SEPTIN9: variants seen among roughly 807,000 people sequenced by gnomAD.
The protein encoded by SEPTIN9 is septin-9.
A neutral mutation model predicts 56.6 loss-of-function variants in SEPTIN9; 13 were observed. The ratio of observed to expected loss-of-function variants is 0.23; its 90% CI spans 0.15 to 0.37. The LOEUF (loss-of-function observed/expected upper bound fraction) is 0.37, where lower values mean the gene tolerates loss of function less well. Among genes scored for constraint, SEPTIN9 ranks in the 10% least tolerant of loss-of-function variants. SEPTIN9 has a pLI of 1.00. For missense variants in SEPTIN9, 650 were observed against 823.1 expected (o/e 0.79, Z 2.57); for synonymous variants, 332 against 334.1 (o/e 0.99, Z 0.07).
rs1244848951 is a variant in SEPTIN9, at chr17:77,402,044, C to G, written c.77-15C>G. On this transcript the variant is annotated splice_polypyrimidine_tract_variant and intron_variant, in intron 2 of 11. Coordinates refer to ENST00000427177, the MANE Select transcript of SEPTIN9 (RefSeq NM_001113491.2). This position sits in a 1 kb window ranked among gnomAD's most constrained non-coding sequence, Gnocchi z 6.6. ...CATCCATTCACCAATTGCATCCCCTCTCTTTATTTTTCAGCCTTGAAAAGA... is the reference window on the plus strand; with the variant it reads ...CATCCATTCACCAATTGCATCCCCTGTCTTTATTTTTCAGCCTTGAAAAGA... 1 of 1,607,154 alleles carries G rather than the reference C, an allele frequency of 6.2e-7. No homozygotes were observed. Among genetic ancestry groups the G allele is most frequent in the East Asian group, 2.2e-5 (1 of 44,738 alleles).
rs1456107510 is a variant in SEPTIN9, at chr17:77,475,850, A to G, written c.722-6294A>G. The G allele has an allele frequency of 2.5e-6, 4 of 1,613,392 alleles. No homozygotes were observed. Among genetic ancestry groups the G allele is most frequent in the Admixed American group, 3.3e-5 (2 of 59,998 alleles). ...AGTGGCTTCACAGGCCTCCGTGGGC[A>G]GGAGGAGGATGACCTTGCATTCTGC... is the stretch of plus-strand genomic sequence containing the variant. On this transcript the variant is annotated intron_variant, in intron 3 of 11. Coordinates refer to ENST00000427177, the MANE Select transcript of SEPTIN9 (RefSeq NM_001113491.2). This position sits in a 1 kb window ranked among gnomAD's most constrained non-coding sequence, Gnocchi z 4.6.
At chr17:77,393,004 C>T (rs376946112) in intron 2 of SEPTIN9, among the ~76,000 whole-genome samples, 2 of 152,246 alleles carry the variant, frequency 1.3e-5, no homozygotes, top group East Asian at 1.9e-4. Context: ...GGAGCCTGCT[C>T]CACCTGCCCC....
intron 3 of SEPTIN9, among the ~76,000 whole-genome samples, chr17:77,424,372 G>T (rs982928191): frequency 6.6e-6 from 1 of 152,236 alleles, no homozygotes; most frequent in African/African-American, 2.4e-5. Flanking sequence ...GCCTCTGGTC[G>T]AGCCCCTTGG....
intron 3 of SEPTIN9, among the ~76,000 whole-genome samples, chr17:77,468,795 C>T (rs1415258523): frequency 6.7e-6 from 1 of 149,344 alleles, no homozygotes; most frequent in Admixed American, 6.6e-5. Flanking sequence ...AGGAGGGATT[C>T]GGACAGGGGC....
At chr17:77,387,800 A>C (rs970080876) in intron 2 of SEPTIN9, among the ~76,000 whole-genome samples, 41 of 152,104 alleles carry the variant, frequency 2.7e-4, no homozygotes, top group African/African-American at 9.4e-4. Context: ...TGGGAGCAGG[A>C]CACTTGTCAC....
At chr17:77,426,151 C>T (rs1320467672) in intron 3 of SEPTIN9, among the ~76,000 whole-genome samples, 1 of 152,068 alleles carries the variant, frequency 6.6e-6, no homozygotes, top group Non-Finnish European at 1.5e-5. Flanking sequence ...TTGCCTGGGC[C>T]TGAGAAGTTG....
Position 77,451,289 on chromosome 17 carries a change from T to C in SEPTIN9, c.722-30855T>C. The C allele has an allele frequency of 1.1e-6, 1 of 870,798 alleles. No homozygotes were observed. Among genetic ancestry groups the C allele is most frequent in the African/African-American group, 1.8e-5 (1 of 55,014 alleles). The allele number at this position is 870,798 out of a possible 1,614,324, so 53.9% of individuals were successfully genotyped here. A position where few individuals can be genotyped will look rare whatever the true frequency, so the allele number is the denominator to read the frequency against. On this transcript the variant is annotated intron_variant, in intron 3 of 11. Transcript: ENST00000427177. This position sits in a 1 kb window ranked among gnomAD's most constrained non-coding sequence, Gnocchi z 4.2. ...CGCCGGGCCTGCCGCTGGGCGCCCCTATCTCTGCCTGCCCCCTCCTCCTGC... is the reference window on the plus strand; with the variant it reads ...CGCCGGGCCTGCCGCTGGGCGCCCCCATCTCTGCCTGCCCCCTCCTCCTGC...
intron 1 of SEPTIN9, among the ~76,000 whole-genome samples, chr17:77,299,579 T>A (rs2031948096): frequency 1.3e-5 from 2 of 152,082 alleles, no homozygotes; most frequent in African/African-American, 4.8e-5. Context: ...CTTCAAAAAA[T>A]TGTTGATTGT....
intron 3 of SEPTIN9, among the ~76,000 whole-genome samples, chr17:77,462,628 G>A (rs2038529272): frequency 2.0e-5 from 3 of 151,776 alleles, no homozygotes; most frequent in Non-Finnish European, 4.4e-5. Context: ...TTTTAAATTT[G>A]TTTGTTGCTT....
At chr17:77,455,582 G>T (rs982925702) in intron 3 of SEPTIN9, among the ~76,000 whole-genome samples, 2 of 152,202 alleles carry the variant, frequency 1.3e-5, no homozygotes, top group African/African-American at 4.8e-5. Flanking sequence ...CAGGAGGTAC[G>T]CAGACGTGGG....
chr17:77,458,605 G>A (rs72887159), intron 3 of SEPTIN9, among the ~76,000 whole-genome samples: 5,722 of 152,284 alleles, frequency 0.038, 189 homozygotes, highest in African/African-American at 0.087. Context: ...GGACAAACGG[G>A]GATGAAACTG....
At chr17:77,496,671 G>T (rs1373795243) in intron 10 of SEPTIN9, among the ~76,000 whole-genome samples, 1 of 152,248 alleles carries the variant, frequency 6.6e-6, no homozygotes, top group Non-Finnish European at 1.5e-5. Flanking sequence ...ACTGTCCCGA[G>T]CTTGGGCTTG....
intron 2 of SEPTIN9, among the ~76,000 whole-genome samples, chr17:77,315,349 G>A (rs1189896195): frequency 1.3e-5 from 2 of 151,218 alleles, no homozygotes; most frequent in Admixed American, 6.6e-5. Context: ...GTGCAGTGGC[G>A]TGATCTAGGC....
intron 3 of SEPTIN9, among the ~76,000 whole-genome samples, chr17:77,412,975 T>C (rs150137239): frequency 4.5e-4 from 69 of 152,326 alleles, no homozygotes; most frequent in Middle Eastern, 3.4e-3. Context: ...GTTTCATTTT[T>C]ACATGTTGAA....
intron 1 of SEPTIN9, among the ~76,000 whole-genome samples, chr17:77,301,447 AAG>A (rs2032054390): frequency 1.4e-5 from 2 of 138,852 alleles, no homozygotes; most frequent in African/African-American, 5.7e-5. Flanking sequence ...TGTTTTGAGA[AAG>A]AGTTTCGCTC....
Position 77,326,547 on chromosome 17 carries a change from G to A in SEPTIN9, c.76+19350G>A, listed in dbSNP as rs1421717780. 6.6e-6 allele frequency among the ~76,000 whole-genome samples: 1 copy of A among 152,228 alleles called. No homozygotes were observed. The highest frequency in any genetic ancestry group is 1.5e-5 in the Non-Finnish European group (1 of 68,038). Reference sequence around the variant, plus strand: ...GTGTTCAAAGGCCCTGGGGCGCGGGGGGCTGAGGCCGGCAGCACGGCAGGA... The same window carrying A: ...GTGTTCAAAGGCCCTGGGGCGCGGGAGGCTGAGGCCGGCAGCACGGCAGGA... On this transcript the variant is annotated intron_variant, in intron 2 of 11. Coordinates refer to ENST00000427177, the MANE Select transcript of SEPTIN9 (RefSeq NM_001113491.2). The surrounding 1 kb of genome is among the most constrained non-coding windows in gnomAD (Gnocchi z 5.1).
rs142811390 is a variant in SEPTIN9 at position 77,402,915 on chromosome 17, C to T, written c.721+212C>T. Among the ~76,000 whole-genome samples, 2 of 152,110 alleles carry T rather than the reference C, an allele frequency of 1.3e-5. No homozygotes were observed. The highest frequency in any genetic ancestry group is 4.8e-5 in the African/African-American group (2 of 41,400). On this transcript the variant is annotated intron_variant, in intron 3 of 11. Coordinates refer to ENST00000427177, the MANE Select transcript of SEPTIN9 (RefSeq NM_001113491.2). This position sits in a 1 kb window ranked among gnomAD's most constrained non-coding sequence, Gnocchi z 6.6. Reference sequence around the variant, plus strand: ...TGGGAACATGCCAAGATGCCCCAAGCGGGACTTGAATGAGAGTTTGGAAAG... The same window carrying T: ...TGGGAACATGCCAAGATGCCCCAAGTGGGACTTGAATGAGAGTTTGGAAAG...
Position 77,437,173 on chromosome 17 carries a change from C to A in SEPTIN9, c.721+34470C>A, listed in dbSNP as rs1172983089. On this transcript the variant is annotated intron_variant, in intron 3 of 11. Coordinates refer to ENST00000427177, the MANE Select transcript of SEPTIN9 (RefSeq NM_001113491.2). This position sits in a 1 kb window ranked among gnomAD's most constrained non-coding sequence, Gnocchi z 5.3. ...TGGCAGCTGCTGTGATTCTGTGACT[C>A]CTCCTCACCCCACCCCAGTGGGGCC... Among the ~76,000 whole-genome samples the A allele has an allele frequency of 2.6e-5, 4 of 152,232 alleles. No homozygotes were observed. Among genetic ancestry groups the A allele is most frequent in the African/African-American group, 4.8e-5 (2 of 41,464 alleles).
intron 1 of SEPTIN9, among the ~76,000 whole-genome samples, chr17:77,298,925 C>T (rs1013511578): frequency 2.6e-5 from 4 of 152,188 alleles, no homozygotes; most frequent in African/African-American, 7.2e-5. Flanking sequence ...GTGATTCTCT[C>T]GCCTCAGCCT....
Sources: allele counts gnomAD v4.1 joint callset (sites outside exome capture counted in the v4.1 genomes callset), GRCh38; gene constraint gnomAD v4.1.1; non-coding constraint Gnocchi (gnomAD v3.1); transcripts MANE v1.5; gene names NCBI Gene and HGNC (gene_info 2026-07-23, HGNC 2026-07-21).